ANKRD12: variants seen among roughly 807,000 people sequenced by gnomAD.
ANKRD12 encodes the protein ankyrin repeat domain-containing protein 12.
ANKRD12 carries 85 observed loss-of-function variants against 183.4 expected under a neutral mutation model. The observed-to-expected ratio is 0.46, with a 90% CI of 0.39 to 0.56. ANKRD12 has a LOEUF of 0.56. ANKRD12 is among the 20% of genes least tolerant of loss of function. ANKRD12 has a pLI of 0.00. For synonymous variants in ANKRD12, 914 were observed against 800.2 expected (o/e 1.14, Z -2.40); for missense variants, 2,405 against 2,357.1 (o/e 1.02, Z -0.42).
At chr18:9,229,352 G>T (rs1279647648) in intron 8 of ANKRD12, among the ~76,000 whole-genome samples, 3 of 151,956 alleles carry the variant, frequency 2.0e-5, no homozygotes, top group Non-Finnish European at 4.4e-5. Context: ...ATTTTGATGG[G>T]GATTACATTG....
intron 1 of ANKRD12, among the ~76,000 whole-genome samples, chr18:9,151,230 C>T (rs1467909609): frequency 1.3e-5 from 2 of 152,106 alleles, no homozygotes; most frequent in East Asian, 1.9e-4. Context: ...TTTTCAAAAC[C>T]ACTTTAAAAA....
At chr18:9,243,880 A>T (rs2037798927) in intron 8 of ANKRD12, among the ~76,000 whole-genome samples, 1 of 152,234 alleles carries the variant, frequency 6.6e-6, no homozygotes, top group African/African-American at 2.4e-5. Flanking sequence ...CACGCCTGTA[A>T]TCCCAGCACT....
chr18:9,204,622 C>CTTATATATAG, intron 4 of ANKRD12, 78 bp downstream of exon 4: 1 of 1,097,726 alleles, frequency 9.1e-7, no homozygotes, highest in Non-Finnish European at 1.3e-6. Flanking sequence ...CTATAAGTAA[C>CTTATATATAG]TTACTTTCAA....
Position 9,283,951 on chromosome 18 carries a change from T to C in ANKRD12, c.*2825T>C, listed in dbSNP as rs2040173317. On this transcript the variant is annotated 3_prime_UTR_variant, in exon 13 of 13. Coordinates refer to ENST00000262126, the MANE Select transcript of ANKRD12 (RefSeq NM_015208.5). The stretch of plus-strand genomic sequence containing the variant: ...GTACAGGCATACCTCAGACGTACTT[T>C]AGGTTCCAGACCATCTCAGTAAAGC... 1 of 152,206 alleles carries C rather than the reference T, an allele frequency of 6.6e-6. No homozygotes were observed. The highest frequency in any genetic ancestry group is 2.4e-5 in the African/African-American group (1 of 41,444). 9.4% of individuals were successfully genotyped at this position (152,206 alleles called of 1,614,324 possible). A position where few individuals can be genotyped will look rare whatever the true frequency, so the allele number is the denominator to read the frequency against.
chr18:9,193,084 A>C (rs1351508693), intron 2 of ANKRD12, among the ~76,000 whole-genome samples: 1 of 149,698 alleles, frequency 6.7e-6, no homozygotes, highest in Non-Finnish European at 1.5e-5. Flanking sequence ...CAAGGAAATT[A>C]CCCATTTTTA....
At position 9,256,415 on chromosome 18, in the gene ANKRD12, G is replaced by A. The variant is rs1291674454; in HGVS notation, c.3148G>A (p.Asp1050Asn). Reference sequence around the variant, plus strand: ...CTTACTCAAACTAAAATCTGAAGCAGATAAGCCTAAACCTAAGTCATCACC... The same window carrying A: ...CTTACTCAAACTAAAATCTGAAGCAAATAAGCCTAAACCTAAGTCATCACC... Reference protein sequence around the residue: ...NSLLKLKSEADKPKPKSSPAS... With the variant: ...NSLLKLKSEANKPKPKSSPAS... Residue 1050 changes from aspartate (D) to asparagine (N), a missense_variant, in exon 9 of 13, where the codon GAT becomes AAT. By Grantham distance (23) the Asp-to-Asn change is conservative. Transcript: ENST00000262126. 1.2e-6 allele frequency: 2 copies of A among 1,611,498 alleles called. No individual in the cohort carries two copies. Among genetic ancestry groups the A allele is most frequent in the Non-Finnish European group, 1.7e-6 (2 of 1,179,332 alleles).
At chr18:9,253,228 T>G (rs1201209204) in intron 8 of ANKRD12, among the ~76,000 whole-genome samples, 2 of 152,184 alleles carry the variant, frequency 1.3e-5, no homozygotes, top group Non-Finnish European at 2.9e-5. Context: ...ACTCTCTTAG[T>G]TATGGTGAAA....
chr18:9,267,515 C>T (rs563173732), intron 10 of ANKRD12, among the ~76,000 whole-genome samples: 8 of 152,072 alleles, frequency 5.3e-5, no homozygotes, highest in Non-Finnish European at 1.0e-4. Flanking sequence ...CTGCTCCTGA[C>T]TGACTACTGG....
At chr18:9,233,705 G>A (rs906330387) in intron 8 of ANKRD12, among the ~76,000 whole-genome samples, 3 of 152,202 alleles carry the variant, frequency 2.0e-5, no homozygotes, top group Non-Finnish European at 2.9e-5. Flanking sequence ...TGGTATCTGT[G>A]ATTTACTTGG....
At chr18:9,181,446 A>G (rs1464475425) in intron 1 of ANKRD12, among the ~76,000 whole-genome samples, 4 of 152,234 alleles carry the variant, frequency 2.6e-5, no homozygotes, top group Non-Finnish European at 4.4e-5. Context: ...GATTTATAGC[A>G]TGAAAGAGTT....
intron 1 of ANKRD12, among the ~76,000 whole-genome samples, chr18:9,148,830 A>T (rs1395486972): frequency 6.6e-6 from 1 of 152,170 alleles, no homozygotes. Context: ...CTACTTTTTT[A>T]GAAGCCTTTT....
At chr18:9,143,481 G>A (rs2078389581) in intron 1 of ANKRD12, among the ~76,000 whole-genome samples, 1 of 152,104 alleles carries the variant, frequency 6.6e-6, no homozygotes, top group Non-Finnish European at 1.5e-5. Context: ...TTGTTTTTAA[G>A]ACGGAGTTTC....
chr18:9,277,553 T>C (rs2039908109), intron 11 of ANKRD12, among the ~76,000 whole-genome samples: 5 of 151,780 alleles, frequency 3.3e-5, no homozygotes, highest in African/African-American at 9.7e-5. Flanking sequence ...GGTCTCGATC[T>C]CCTGACCTCG....
chr18:9,201,185 A>G (rs191645109), intron 3 of ANKRD12, among the ~76,000 whole-genome samples: 3 of 152,234 alleles, frequency 2.0e-5, no homozygotes, highest in Non-Finnish European at 4.4e-5. Flanking sequence ...GTATCGTATA[A>G]TATCTGCCCC....
In ANKRD12 at chr18:9,256,112, G is replaced by A. The variant is rs1309104536; in HGVS notation, c.2845G>A (p.Gly949Ser). The A allele has an allele frequency of 1.9e-6, 3 of 1,550,164 alleles. No homozygotes were observed. The highest frequency in any genetic ancestry group is 2.3e-5 in the East Asian group (1 of 43,342). The change falls in exon 9 of 13, where the codon GGC (glycine) becomes AGC (serine). Residue 949 changes from glycine to serine, a missense_variant. Physicochemically the swap from Gly to Ser is moderately conservative, Grantham distance 56 (BLOSUM62 0). Transcript: ENST00000262126. ...DNSEYSKSEK[G>S]KNKEKDRELD... ...TAGTGAATACAGTAAATCAGAAAAAGGCAAAAATAAAGAAAAAGACAGGGA... is the reference window on the plus strand; with the variant it reads ...TAGTGAATACAGTAAATCAGAAAAAAGCAAAAATAAAGAAAAAGACAGGGA...
At chr18:9,182,112 G>T (rs1458485161) in intron 1 of ANKRD12, among the ~76,000 whole-genome samples, 1 of 152,160 alleles carries the variant, frequency 6.6e-6, no homozygotes, top group African/African-American at 2.4e-5. Flanking sequence ...GAAACGTTTT[G>T]TCACTGCTTC....
chr18:9,197,552 A>G (rs1416331541), intron 3 of ANKRD12, among the ~76,000 whole-genome samples: 1 of 146,090 alleles, frequency 6.8e-6, no homozygotes, highest in African/African-American at 2.6e-5. Context: ...TACCAATAAC[A>G]TAAACAGTCA....
rs144963160 is a variant in ANKRD12 at position 9,265,753 on chromosome 18, G to A, written c.5763+1865G>A. Among the ~76,000 whole-genome samples the A allele has an allele frequency of 1.5e-3, 221 of 152,254 alleles. 1 individual carries two copies. The highest frequency in any genetic ancestry group is 5.2e-3 in the African/African-American group (215 of 41,552). ...AGGAACGCAGCTCCTCACCAGCAAC[G>A]GAACAAAGCTGGACGGATAATGACT... is the stretch of plus-strand genomic sequence containing the variant. On this transcript the variant is annotated intron_variant, in intron 10 of 12. Coordinates refer to ENST00000262126, the MANE Select transcript of ANKRD12 (RefSeq NM_015208.5).
At chr18:9,137,923 G>C (rs1446678843) in intron 1 of ANKRD12, 1 of 152,240 alleles carries the variant, frequency 6.6e-6, no homozygotes, top group Non-Finnish European at 1.5e-5. Context: ...GTAAGACGCT[G>C]TCTGGGATAG....
Sources: gnomAD v4.1 joint callset for allele counts (sites outside exome capture counted in the v4.1 genomes callset) on GRCh38, gnomAD v4.1.1 for gene constraint, MANE v1.5 for transcripts, NCBI Gene and HGNC (gene_info 2026-07-23, HGNC 2026-07-21) for gene names.